CR2: variants seen among roughly 807,000 people sequenced by gnomAD.
CR2 encodes the protein complement receptor type 2.
A neutral mutation model predicts 123.0 loss-of-function variants in CR2; 96 were observed. That is an observed-to-expected ratio of 0.78 (90% CI 0.66 to 0.93). The LOEUF is 0.93. CR2 is among the 40% of genes least tolerant of loss of function. The probability of loss-of-function intolerance (pLI) is 0.00; values close to 1 mark genes in which losing one functional copy is unlikely to be tolerated. For missense variants in CR2, 1,258 were observed against 1,361.0 expected (o/e 0.92, Z 1.19); for synonymous variants, 484 against 469.5 (o/e 1.03, Z -0.40).
chr1:207,485,220 G>A (rs1227874680), intron 18 of CR2, among the ~76,000 whole-genome samples: 3 of 152,162 alleles, frequency 2.0e-5, no homozygotes, highest in Non-Finnish European at 2.9e-5. Context: ...ATAGTATTAG[G>A]AGAAATACCT....
chr1:207,466,465 A>G (rs1009196418), intron 1 of CR2, 61 bp from the exon 2 acceptor site: 2 of 1,578,622 alleles, frequency 1.3e-6, no homozygotes, highest in Non-Finnish European at 8.7e-7. Context: ...TATTTTACCT[A>G]CATTTGAATA....
At position 207,472,960 on chromosome 1, in the gene CR2, A is replaced by G; in HGVS notation, c.1759A>G (p.Ser587Gly). The G allele has an allele frequency of 6.2e-7, 1 of 1,614,054 alleles. No homozygotes were observed. Among genetic ancestry groups the G allele is most frequent in the Non-Finnish European group, 8.5e-7 (1 of 1,179,950 alleles). The change falls in exon 10 of 20, where the codon AGT (serine) becomes GGT (glycine). Residue 587 changes from serine (S) to glycine (G), a missense_variant. Transcript: ENST00000367057. ...CAATGATCAAGAAAGAGGCACCTGG[A>G]GTGGCCCTGCTCCCCTGTGTAAACT... ...TSNDQERGTWSGPAPLCKLSL... is the reference protein window; with the variant it reads ...TSNDQERGTWGGPAPLCKLSL...
intron 1 of CR2, 118 bp from the exon 2 acceptor site, chr1:207,466,408 A>C: frequency 8.4e-7 from 1 of 1,190,658 alleles, no homozygotes; most frequent in Non-Finnish European, 1.2e-6. Flanking sequence ...TAAACTATAC[A>C]TATTTCTAAG....
At chr1:207,473,449 C>T in intron 10 of CR2, 96 bp from the exon 11 acceptor site, 3 of 1,332,170 alleles carry the variant, frequency 2.3e-6, no homozygotes, top group East Asian at 2.3e-5. Context: ...TCTTTGGCAT[C>T]AGAGTTTCAG....
intron 1 of CR2, among the ~76,000 whole-genome samples, chr1:207,462,902 G>T (rs1288820782): frequency 6.6e-6 from 1 of 152,184 alleles, no homozygotes; most frequent in Non-Finnish European, 1.5e-5. Flanking sequence ...CACAAATAAA[G>T]TTGGCATCCA....
chr1:207,480,124 C>T, intron 18 of CR2, 71 bp downstream of exon 18: 2 of 1,043,256 alleles, frequency 1.9e-6, no homozygotes, highest in South Asian at 2.5e-5. Flanking sequence ...TGAAACTAAA[C>T]ACAGAAGCAC....
Position 207,466,541 on chromosome 1 carries a change from C to G in CR2, c.74C>G (p.Ser25Cys), listed in dbSNP as rs1437268469. Residue 25 changes from serine (S) to cysteine (C), a missense_variant, in exon 2 of 20, where the codon TCT (serine) becomes TGT (cysteine). Coordinates refer to ENST00000367057, the MANE Select transcript of CR2 (RefSeq NM_001006658.3). ...APGVLGISCG[S>C]PPPILNGRIS... ...TACTTTTCAGGGATTTCTTGTGGCT[C>G]TCCTCCGCCTATCCTAAATGGCCGG... is the stretch of plus-strand genomic sequence containing the variant. 5 of 1,613,886 alleles carry G rather than the reference C, an allele frequency of 3.1e-6. No homozygotes were observed. Among genetic ancestry groups the G allele is most frequent in the South Asian group, 1.1e-5 (1 of 91,078 alleles).
At chr1:207,457,024 T>C (rs1327625403) in intron 1 of CR2, among the ~76,000 whole-genome samples, 1 of 152,250 alleles carries the variant, frequency 6.6e-6, no homozygotes, top group Non-Finnish European at 1.5e-5. Context: ...GAAGTATCCA[T>C]ATTCCAGGGT....
chr1:207,463,528 A>C (rs538769842), intron 1 of CR2, among the ~76,000 whole-genome samples: 59 of 152,254 alleles, frequency 3.9e-4, no homozygotes, highest in African/African-American at 1.4e-3. Flanking sequence ...TGAGTCCTTA[A>C]TCTGTCACCC....
intron 1 of CR2, among the ~76,000 whole-genome samples, chr1:207,462,828 T>C (rs1474553101): frequency 1.3e-5 from 2 of 152,148 alleles, no homozygotes; most frequent in African/African-American, 4.8e-5. Context: ...ACTTGGTAGA[T>C]GATATCATAG....
At position 207,454,342 on chromosome 1, in the gene CR2, C is replaced by G; in HGVS notation, c.-77C>G. 7.7e-7 allele frequency: 1 copy of G among 1,291,350 alleles called. No homozygotes were observed. Among genetic ancestry groups the G allele is most frequent in the Non-Finnish European group, 1.1e-6 (1 of 922,360 alleles). The allele number at this position is 1,291,350 out of a possible 1,614,324, so 80.0% of individuals were successfully genotyped here. On this transcript the variant is annotated 5_prime_UTR_variant, in exon 1 of 20. Transcript: ENST00000367057. This position sits in a 1 kb window ranked among gnomAD's most constrained non-coding sequence, Gnocchi z 4.3. ...TCCTGGCTCACAGCTGCTTGCTGCT[C>G]CAGCCTTGCCCTCCCAGAGCTGCCG...
In CR2 at chr1:207,468,892, G is replaced by A; in HGVS notation, c.727G>A (p.Asp243Asn). 1.2e-6 allele frequency: 2 copies of A among 1,613,644 alleles called. No homozygotes were observed. Among genetic ancestry groups the A allele is most frequent in the South Asian group, 2.2e-5 (2 of 91,080 alleles). ...RVGVTANFFC[D>N]EGYRLQGPPS... The stretch of plus-strand genomic sequence containing the variant: ...TGGTGTAACTGCAAACTTTTTCTGT[G>A]ATGAAGGGTGAGTGTCAGGATTATT... Residue 243 changes from aspartate (D) to asparagine (N), a missense_variant, in exon 4 of 20, where the codon GAT (aspartate) becomes AAT (asparagine). Physicochemically the swap from Asp to Asn is conservative, Grantham distance 23. Transcript: ENST00000367057.
At position 207,468,832 on chromosome 1, in the gene CR2, A is replaced by G; in HGVS notation, c.667A>G (p.Asn223Asp). Reference sequence around the variant, plus strand: ...CTGTAAATCTCTAGGACGATTTCCCAATGGGAAGGTAAAGGAGCCTCCAAT... The same window carrying G: ...CTGTAAATCTCTAGGACGATTTCCCGATGGGAAGGTAAAGGAGCCTCCAAT... Reference protein sequence around the residue: ...ARCKSLGRFPNGKVKEPPILR... With the variant: ...ARCKSLGRFPDGKVKEPPILR... Residue 223 changes from asparagine to aspartate, a missense_variant, in exon 4 of 20, where the codon AAT becomes GAT. Transcript: ENST00000367057. The G allele has an allele frequency of 6.2e-7, 1 of 1,613,996 alleles. No individual in the cohort carries two copies. Among genetic ancestry groups the G allele is most frequent in the East Asian group, 2.2e-5 (1 of 44,880 alleles).
intron 5 of CR2, 58 bp from the exon 6 acceptor site, chr1:207,469,637 G>T: frequency 6.7e-7 from 1 of 1,483,934 alleles, no homozygotes. Context: ...AGCATCTGGG[G>T]CATTCTTTGT....
chr1:207,460,187 T>A lies in CR2; in HGVS notation c.58+5711T>A, dbSNP rs1463733034. On this transcript the variant is annotated intron_variant, in intron 1 of 19. Coordinates refer to ENST00000367057, the MANE Select transcript of CR2 (RefSeq NM_001006658.3). ...AGTATCAGGATCATGAAGTTTGTCT[T>A]CATTGAGGTCAAACCCTGATATTCC... 3.3e-5 allele frequency among the ~76,000 whole-genome samples: 5 copies of A among 152,210 alleles called. No homozygotes were observed. The South Asian group carries it at 8.3e-4, about 25-fold the overall frequency.
At chr1:207,455,978 CTCTTT>C (rs1405091847) in intron 1 of CR2, among the ~76,000 whole-genome samples, 1 of 152,210 alleles carries the variant, frequency 6.6e-6, no homozygotes, top group Non-Finnish European at 1.5e-5. Flanking sequence ...ACAACCTCAT[CTCTTT>C]TAAGAGATTT....
intron 18 of CR2, among the ~76,000 whole-genome samples, chr1:207,481,859 T>C (rs1658611761): frequency 6.6e-6 from 1 of 152,058 alleles, no homozygotes. Context: ...AGTCATTAAT[T>C]CTAATAGCTT....
chr1:207,478,420 C>A (rs886295471), intron 16 of CR2, among the ~76,000 whole-genome samples: 2 of 147,036 alleles, frequency 1.4e-5, no homozygotes, highest in Non-Finnish European at 3.0e-5. Context: ...CCCAGCTACT[C>A]GGGTAGCTGA....
intron 1 of CR2, among the ~76,000 whole-genome samples, chr1:207,455,379 C>T (rs1481837588): frequency 6.6e-6 from 1 of 152,220 alleles, no homozygotes; most frequent in Admixed American, 6.5e-5. Flanking sequence ...AACTGGCCTT[C>T]CACCTCACTG....
Sources: allele counts gnomAD v4.1 joint callset (sites outside exome capture counted in the v4.1 genomes callset), GRCh38; gene constraint gnomAD v4.1.1; non-coding constraint Gnocchi (gnomAD v3.1); transcripts MANE v1.5; gene names NCBI Gene and HGNC (gene_info 2026-07-23, HGNC 2026-07-21).